The following EXOC4 variants were observed in gnomAD, a reference collection of about 807,000 sequenced individuals.
EXOC4 encodes exocyst complex component 4.
In EXOC4, 71 loss-of-function variants were observed where a neutral mutation model predicts 107.2. The ratio of observed to expected loss-of-function variants is 0.66; its 90% CI spans 0.55 to 0.81. The LOEUF (loss-of-function observed/expected upper bound fraction) is 0.81, where lower values mean the gene tolerates loss of function less well. Among genes scored for constraint, EXOC4 ranks in the 30% least tolerant of loss-of-function variants. The pLI is 0.00. For missense variants in EXOC4, 1,108 were observed against 1,189.6 expected, an observed-to-expected ratio of 0.93 and a Z score of 1.01; for synonymous variants, 456 against 441.2, an observed-to-expected ratio of 1.03 and a Z score of -0.42.
At chr7:134,007,214 T>G (rs1383862316) in intron 16 of EXOC4, among the ~76,000 whole-genome samples, 2 of 152,338 alleles carry the variant, frequency 1.3e-5, no homozygotes, top group African/African-American at 4.8e-5. Context: ...ATTTTATTTA[T>G]GTAGCTTCCC....
At chr7:133,644,952 A>C (rs1178022599) in intron 10 of EXOC4, among the ~76,000 whole-genome samples, 2 of 152,172 alleles carry the variant, frequency 1.3e-5, no homozygotes, top group Non-Finnish European at 2.9e-5. Flanking sequence ...CACAGTGCTC[A>C]GCCATAGCTG....
chr7:133,835,468 G>C (rs1797899492), intron 11 of EXOC4, among the ~76,000 whole-genome samples: 1 of 152,172 alleles, frequency 6.6e-6, no homozygotes, highest in Admixed American at 6.5e-5. Flanking sequence ...AAGAGACAAA[G>C]GGTTGCATTC....
intron 10 of EXOC4, among the ~76,000 whole-genome samples, chr7:133,806,052 A>G (rs1485753271): frequency 1.3e-5 from 2 of 152,242 alleles, no homozygotes; most frequent in African/African-American, 4.8e-5. Context: ...TAAGTGGGTG[A>G]TAGCTCCTGG....
At chr7:133,826,246 A>T (rs1185242388) in intron 11 of EXOC4, among the ~76,000 whole-genome samples, 2 of 152,162 alleles carry the variant, frequency 1.3e-5, no homozygotes, top group Non-Finnish European at 2.9e-5. Flanking sequence ...ATGTTTTCAG[A>T]TCATTTTTAT....
At chr7:133,500,902 C>T (rs1444647715) in intron 9 of EXOC4, among the ~76,000 whole-genome samples, 1 of 152,280 alleles carries the variant, frequency 6.6e-6, no homozygotes, top group African/African-American at 2.4e-5. Context: ...AAGTTAGAAT[C>T]AACCTCAAAT....
chr7:133,305,328 A>G (rs916939544), intron 3 of EXOC4, among the ~76,000 whole-genome samples: 4 of 152,178 alleles, frequency 2.6e-5, no homozygotes, highest in Admixed American at 2.6e-4. Context: ...GGTGATGACT[A>G]CTATTGTCCA....
intron 9 of EXOC4, chr7:133,576,804 G>T: frequency 7.8e-7 from 1 of 1,289,480 alleles, no homozygotes; most frequent in Non-Finnish European, 1.0e-6. Flanking sequence ...TTCTGTGCAT[G>T]GCAAGTTTTA....
intron 6 of EXOC4, among the ~76,000 whole-genome samples, chr7:133,363,898 C>T (rs1796188443): frequency 6.6e-6 from 1 of 152,130 alleles, no homozygotes; most frequent in Admixed American, 6.5e-5. Context: ...AATGAACTAA[C>T]AAACCTATGT....
At chr7:134,098,114 A>C in the EXOC4 span, among the ~76,000 whole-genome samples, 2 of 152,214 alleles carry the variant, frequency 1.3e-5, no homozygotes, top group African/African-American at 4.8e-5. Context: ...TGTTCTTTTC[A>C]ACCAAGATCC....
chr7:133,862,447 C>T (rs574472260), intron 11 of EXOC4, among the ~76,000 whole-genome samples: 3 of 152,220 alleles, frequency 2.0e-5, no homozygotes, highest in South Asian at 4.1e-4. Context: ...CACACCGTTG[C>T]ACTCCAGCCT....
intron 11 of EXOC4, among the ~76,000 whole-genome samples, chr7:133,856,944 CA>C (rs1359611187): frequency 4.9e-4 from 73 of 149,928 alleles, no homozygotes; most frequent in Middle Eastern, 3.4e-3. Flanking sequence ...ACTAAAAATA[CA>C]AAAAAATTAG....
intron 10 of EXOC4, among the ~76,000 whole-genome samples, chr7:133,805,918 A>G (rs892272721): frequency 5.3e-5 from 8 of 152,246 alleles, no homozygotes; most frequent in African/African-American, 1.7e-4. Context: ...AATTCTGTCT[A>G]TTCACCTGCG....
intron 9 of EXOC4, among the ~76,000 whole-genome samples, chr7:133,497,145 A>T (rs374736262): frequency 1.3e-5 from 2 of 152,190 alleles, no homozygotes; most frequent in African/African-American, 4.8e-5. Context: ...GCAGGTCCCT[A>T]TGCCTTAGAT....
chr7:133,983,961 G>GT (rs753989520), intron 14 of EXOC4, among the ~76,000 whole-genome samples: 4 of 152,096 alleles, frequency 2.6e-5, no homozygotes, highest in Non-Finnish European at 5.9e-5. Context: ...CAAATGATGA[G>GT]TTTTTTTACC....
intron 10 of EXOC4, among the ~76,000 whole-genome samples, chr7:133,788,421 T>C (rs544402038): frequency 6.6e-6 from 1 of 151,936 alleles, no homozygotes; most frequent in Non-Finnish European, 1.5e-5. Flanking sequence ...CCTCCTATTG[T>C]CTTGGTCATC....
intron 5 of EXOC4, among the ~76,000 whole-genome samples, chr7:133,348,615 T>A (rs1419959491): frequency 6.6e-6 from 1 of 152,180 alleles, no homozygotes; most frequent in Non-Finnish European, 1.5e-5. Flanking sequence ...TACCTGAAGC[T>A]CTGCTTACAA....
chr7:133,785,679 T>G (rs1796553233), intron 10 of EXOC4, among the ~76,000 whole-genome samples: 1 of 38,704 alleles, frequency 2.6e-5, no homozygotes, highest in South Asian at 1.3e-3. Context: ...TGTTTTTGTT[T>G]TTGTTTTTTT....
chr7:133,557,171 G>C (rs1800708116), intron 9 of EXOC4, among the ~76,000 whole-genome samples: 1 of 152,046 alleles, frequency 6.6e-6, no homozygotes, highest in Admixed American at 6.6e-5. Flanking sequence ...TAGAGCTTTT[G>C]TTCCACCTGA....
chr7:133,408,936 A>G (rs774611692), intron 7 of EXOC4, among the ~76,000 whole-genome samples: 107 of 152,188 alleles, frequency 7.0e-4, no homozygotes, highest in Non-Finnish European at 1.1e-3. Context: ...TAAGACCAAA[A>G]GACCTTTCTG....
Sources: allele counts gnomAD v4.1 joint callset (sites outside exome capture counted in the v4.1 genomes callset), GRCh38; gene constraint gnomAD v4.1.1; transcripts MANE v1.5; gene names NCBI Gene and HGNC (gene_info 2026-07-23, HGNC 2026-07-21).